Variants in RMST observed in about 807,000 individuals in gnomAD.
The protein encoded by RMST is rhabdomyosarcoma 2 associated transcript.
chr12:97,468,704 T>C (rs545446104), intron 5 of RMST, among the ~76,000 whole-genome samples: 31 of 152,092 alleles, frequency 2.0e-4, no homozygotes, highest in African/African-American at 7.2e-4. Flanking sequence ...TTTAATATAG[T>C]TTACCGTAGA....
intron 5 of RMST, among the ~76,000 whole-genome samples, chr12:97,490,195 C>A (rs1276136821): frequency 6.6e-6 from 1 of 152,148 alleles, no homozygotes; most frequent in Non-Finnish European, 1.5e-5. Flanking sequence ...CAGAGTAAAG[C>A]TCTAGTTCCA....
chr12:97,469,669 G>T (rs1873666774), intron 5 of RMST, among the ~76,000 whole-genome samples: 1 of 152,010 alleles, frequency 6.6e-6, no homozygotes, highest in Non-Finnish European at 1.5e-5. Flanking sequence ...TCCTTCAGGT[G>T]CCATTAATTT....
At chr12:97,543,790 C>A (rs189710307) in intron 11 of RMST, among the ~76,000 whole-genome samples, 1 of 151,882 alleles carries the variant, frequency 6.6e-6, no homozygotes, top group Non-Finnish European at 1.5e-5. Context: ...TCAAACTCAC[C>A]GGTATGATCT....
chr12:97,535,198 C>T (rs1181288553), intron 11 of RMST, among the ~76,000 whole-genome samples: 1 of 151,188 alleles, frequency 6.6e-6, no homozygotes, highest in Non-Finnish European at 1.5e-5. Context: ...AATAAGTGTC[C>T]CAATGTTAAC....
intron 5 of RMST, among the ~76,000 whole-genome samples, chr12:97,477,081 A>C (rs1174810364): frequency 6.6e-6 from 1 of 152,204 alleles, no homozygotes; most frequent in East Asian, 1.9e-4. Flanking sequence ...GTTTAGAAAT[A>C]AAATAGGAAT....
At chr12:97,476,081 T>A (rs575307161) in intron 5 of RMST, among the ~76,000 whole-genome samples, 2 of 152,274 alleles carry the variant, frequency 1.3e-5, no homozygotes, top group South Asian at 4.1e-4. Context: ...TCAGTAAAGA[T>A]TCTGGATAAA....
chr12:97,550,722 A>ATTT (rs1268065716), intron 11 of RMST, among the ~76,000 whole-genome samples: 2 of 152,282 alleles, frequency 1.3e-5, no homozygotes, highest in East Asian at 3.9e-4. Flanking sequence ...CCGTGCCACT[A>ATTT]TGCATCTAGA....
chr12:97,530,658 G>A (rs1881544903), exon 11 of RMST: 1 of 151,992 alleles, frequency 6.6e-6, no homozygotes, highest in Non-Finnish European at 1.5e-5. Context: ...CTTGCAGTGG[G>A]TGACTGATCG....
At chr12:97,499,001 A>G (rs2136471420) in intron 10 of RMST, among the ~76,000 whole-genome samples, 1 of 152,250 alleles carries the variant, frequency 6.6e-6, no homozygotes, top group East Asian at 1.9e-4. Context: ...TAAGTGGGCC[A>G]ATGGGTAAGG....
chr12:97,549,275 C>A (rs1216245823), intron 11 of RMST, among the ~76,000 whole-genome samples: 3 of 152,158 alleles, frequency 2.0e-5, no homozygotes, highest in African/African-American at 7.2e-5. Context: ...TAAGAATATA[C>A]ATTTTGTATA....
intron 5 of RMST, among the ~76,000 whole-genome samples, chr12:97,465,971 GC>G (rs1235563609): frequency 2.6e-5 from 4 of 152,018 alleles, no homozygotes; most frequent in Non-Finnish European, 5.9e-5. Flanking sequence ...AAAATAAGCA[GC>G]TTTTTATTTC....
intron 4 of RMST, among the ~76,000 whole-genome samples, chr12:97,465,265 G>T (rs1873047324): frequency 6.6e-6 from 1 of 152,178 alleles, no homozygotes. Context: ...GCTACGGGCG[G>T]CTCTGTCGCC....
intron 4 of RMST, among the ~76,000 whole-genome samples, chr12:97,465,506 A>C (rs1234585214): frequency 6.6e-6 from 1 of 152,228 alleles, no homozygotes; most frequent in Non-Finnish European, 1.5e-5. Flanking sequence ...GATGCTGCAG[A>C]AAACATGCAC....
chr12:97,562,910 C>T (rs193155205), intron 13 of RMST, among the ~76,000 whole-genome samples: 2 of 152,182 alleles, frequency 1.3e-5, no homozygotes, highest in Admixed American at 6.5e-5. Flanking sequence ...TTGAATAATG[C>T]ATTTTTAAAA....
intron 10 of RMST, among the ~76,000 whole-genome samples, chr12:97,525,076 G>A (rs1342836542): frequency 2.6e-5 from 4 of 152,130 alleles, no homozygotes; most frequent in Non-Finnish European, 4.4e-5. Flanking sequence ...TTGTACATTT[G>A]TAACATGGGG....
At chr12:97,528,328 A>G (rs932391221) in intron 10 of RMST, among the ~76,000 whole-genome samples, 9 of 152,170 alleles carry the variant, frequency 5.9e-5, no homozygotes, top group Non-Finnish European at 1.0e-4. Context: ...TCTTATTACC[A>G]TATAATGACT....
At chr12:97,485,665 C>A (rs184103687) in intron 5 of RMST, among the ~76,000 whole-genome samples, 10 of 152,316 alleles carry the variant, frequency 6.6e-5, no homozygotes, top group Admixed American at 5.9e-4. Flanking sequence ...GCATTATTAC[C>A]AGCATTTTAT....
intron 10 of RMST, among the ~76,000 whole-genome samples, chr12:97,506,115 G>C (rs73384792): frequency 0.023 from 3,478 of 152,094 alleles, 128 homozygotes; most frequent in African/African-American, 0.079. Context: ...AAACCAGGTA[G>C]GTAGATTGAA....
intron 5 of RMST, among the ~76,000 whole-genome samples, chr12:97,491,465 C>T (rs1876802928): frequency 6.6e-6 from 1 of 152,156 alleles, no homozygotes; most frequent in African/African-American, 2.4e-5. Flanking sequence ...TAAATATTTC[C>T]TCCAAAATGT....
Sources: gnomAD v4.1 joint callset for allele counts (sites outside exome capture counted in the v4.1 genomes callset) on GRCh38, gnomAD v4.1.1 for gene constraint, MANE v1.5 for transcripts, NCBI Gene and HGNC (gene_info 2026-07-23, HGNC 2026-07-21) for gene names.